Variants in OR1J2 observed in about 807,000 individuals in gnomAD.
OR1J2 encodes olfactory receptor family 1 subfamily J member 2.
For synonymous variants in OR1J2, 142 were observed against 99.7 expected (o/e 1.42, Z -2.52); for missense variants, 304 against 246.1 (o/e 1.24, Z -1.57).
At chr9:122,499,163 T>A in the OR1J2 span, among the ~76,000 whole-genome samples, 3 of 152,230 alleles carry the variant, frequency 2.0e-5, no homozygotes, top group African/African-American at 7.2e-5. Flanking sequence ...TGGGCAGGTT[T>A]ACCTGCGGGT....
At chr9:122,553,749 T>C in the OR1J2 span, 138,174 of 1,613,794 alleles carry the variant, frequency 0.086, 6,543 homozygotes, top group Middle Eastern at 0.12. Context: ...CATCCCTCAT[T>C]TCTATTGTGA....
downstream of OR1J2, among the ~76,000 whole-genome samples, chr9:122,511,999 A>G (rs1258045547): frequency 6.6e-6 from 1 of 152,242 alleles, no homozygotes; most frequent in Non-Finnish European, 1.5e-5. Context: ...TAATAATGCA[A>G]TAATATACAG....
At chr9:122,448,212 A>T in the OR1J2 span, among the ~76,000 whole-genome samples, 4 of 152,226 alleles carry the variant, frequency 2.6e-5, no homozygotes, top group Admixed American at 2.6e-4. Context: ...AATCTGTGTC[A>T]CAAATAAATT....
At chr9:122,537,830 G>A in the OR1J2 span, among the ~76,000 whole-genome samples, 21,707 of 152,070 alleles carry the variant, frequency 0.14, 1,798 homozygotes, top group East Asian at 0.34. Flanking sequence ...AAAAGGAAGA[G>A]AACAGCTCTC....
chr9:122,462,272 C>T, the OR1J2 span, among the ~76,000 whole-genome samples: 1 of 151,418 alleles, frequency 6.6e-6, no homozygotes, highest in Non-Finnish European at 1.5e-5. Context: ...CATGGAATAG[C>T]TTTTTCCATC....
At chr9:122,502,491 A>G in the OR1J2 span, among the ~76,000 whole-genome samples, 1 of 152,172 alleles carries the variant, frequency 6.6e-6, no homozygotes, top group Non-Finnish European at 1.5e-5. Flanking sequence ...GCAGACCTTC[A>G]TCTCTGAGGA....
the OR1J2 span, among the ~76,000 whole-genome samples, chr9:122,474,758 G>A: frequency 3.3e-5 from 5 of 152,126 alleles, no homozygotes; most frequent in African/African-American, 1.2e-4. Context: ...ATGCTTCTAT[G>A]GCAAGGTTTA....
the OR1J2 span, among the ~76,000 whole-genome samples, chr9:122,533,327 A>T: frequency 6.6e-6 from 1 of 152,342 alleles, no homozygotes; most frequent in Admixed American, 6.5e-5. Context: ...CCATGCTGTA[A>T]CAGGCGAATG....
At chr9:122,483,694 T>C in the OR1J2 span, among the ~76,000 whole-genome samples, 1 of 152,238 alleles carries the variant, frequency 6.6e-6, no homozygotes, top group East Asian at 1.9e-4. Context: ...TAACATTCTG[T>C]GTTGTTTGTT....
At chr9:122,522,336 A>G in the OR1J2 span, among the ~76,000 whole-genome samples, 5 of 152,342 alleles carry the variant, frequency 3.3e-5, no homozygotes, top group African/African-American at 9.6e-5. Flanking sequence ...CAATAGAACA[A>G]TCTTCCTCAG....
the OR1J2 span, among the ~76,000 whole-genome samples, chr9:122,496,265 C>T: frequency 1.3e-5 from 2 of 152,202 alleles, no homozygotes; most frequent in Middle Eastern, 6.8e-3. Flanking sequence ...ATTCAGGTTT[C>T]TCAGGTGGGC....
At chr9:122,568,922 A>T in the OR1J2 span, among the ~76,000 whole-genome samples, 1 of 152,126 alleles carries the variant, frequency 6.6e-6, no homozygotes, top group South Asian at 2.1e-4. Flanking sequence ...TGAACAAAAT[A>T]AAATAGTATT....
At chr9:122,459,414 A>C in the OR1J2 span, among the ~76,000 whole-genome samples, 1 of 152,198 alleles carries the variant, frequency 6.6e-6, no homozygotes, top group Non-Finnish European at 1.5e-5. Context: ...ATAGAATTGC[A>C]ATAATTCCGA....
the OR1J2 span, among the ~76,000 whole-genome samples, chr9:122,576,038 T>A: frequency 1.3e-5 from 2 of 152,200 alleles, no homozygotes; most frequent in Non-Finnish European, 2.9e-5. Flanking sequence ...CCTCCAGGTA[T>A]ATCTGTGTTG....
At chr9:122,532,603 T>C in the OR1J2 span, among the ~76,000 whole-genome samples, 1 of 119,454 alleles carries the variant, frequency 8.4e-6, no homozygotes, top group Non-Finnish European at 1.7e-5. Context: ...CGGAGCAGAC[T>C]GTATATGCAT....
At chr9:122,559,515 G>C in the OR1J2 span, among the ~76,000 whole-genome samples, 1 of 152,170 alleles carries the variant, frequency 6.6e-6, no homozygotes, top group East Asian at 1.9e-4. Context: ...AGAGATTCTG[G>C]TACGTTGTCT....
At chr9:122,521,016 A>G in the OR1J2 span, among the ~76,000 whole-genome samples, 1 of 152,238 alleles carries the variant, frequency 6.6e-6, no homozygotes, top group Non-Finnish European at 1.5e-5. Context: ...TTGGAAAGCT[A>G]GATCTCATTT....
chr9:122,508,566 A>G (rs1828572935), upstream of OR1J2, among the ~76,000 whole-genome samples: 1 of 152,130 alleles, frequency 6.6e-6, no homozygotes, highest in African/African-American at 2.4e-5. Flanking sequence ...ATTAGTGACA[A>G]ATGCTTCCAA....
the OR1J2 span, among the ~76,000 whole-genome samples, chr9:122,556,941 T>C: frequency 0.24 from 37,185 of 152,000 alleles, 4,902 homozygotes; most frequent in Middle Eastern, 0.34. Context: ...AGTTCTGCAG[T>C]TTTTCTCATA....
Sources: allele counts gnomAD v4.1 joint callset (sites outside exome capture counted in the v4.1 genomes callset), GRCh38; gene constraint gnomAD v4.1.1; transcripts MANE v1.5; gene names NCBI Gene and HGNC (gene_info 2026-07-23, HGNC 2026-07-21).